CPAMD8: variants seen among roughly 807,000 people sequenced by gnomAD.
CPAMD8 encodes C3 and PZP-like alpha-2-macroglobulin domain-containing protein 8.
In CPAMD8, 146 loss-of-function variants were observed where a neutral mutation model predicts 224.7. The observed-to-expected ratio is 0.65, with a 90% CI of 0.57 to 0.75. The LOEUF is 0.75. Ranked by LOEUF, CPAMD8 falls within the 30% of genes least tolerant of loss-of-function variation. The pLI is 0.00. For synonymous variants in CPAMD8, 966 were observed against 1,044.6 expected (o/e 0.92, Z 1.45); for missense variants, 2,301 against 2,537.5 (o/e 0.91, Z 2.00).
At position 17,026,761 on chromosome 19, in the gene CPAMD8, C is replaced by T. The variant is rs890144173; in HGVS notation, c.-119G>A. 2 of 1,182,146 alleles carry T rather than the reference C, an allele frequency of 1.7e-6. No individual in the cohort carries two copies. The highest frequency in any genetic ancestry group is 3.4e-4 in the Middle Eastern group (1 of 2,954). The allele number at this position is 1,182,146 out of a possible 1,614,324, so 73.2% of individuals were successfully genotyped here. On this transcript the variant is annotated 5_prime_UTR_variant, in exon 1 of 42. Coordinates refer to ENST00000443236, the MANE Select transcript of CPAMD8 (RefSeq NM_015692.5). ...GCCGGGGGCCCTTTGTTCGCAGCCC[C>T]CGCGCAGTGCGCCCGGCGCCATGCG...
chr19:16,901,433 GCA>G (rs2052254281), intron 35 of CPAMD8, 136 bp from the exon 36 acceptor site: 2 of 682,802 alleles, frequency 2.9e-6, no homozygotes, highest in South Asian at 3.3e-5. Context: ...CAGGCCAACA[GCA>G]CACACATCCT....
chr19:16,901,275 T>C lies in CPAMD8; in HGVS notation c.4708A>G (p.Asn1570Asp), dbSNP rs368216664. ...AGGGGCACCTCCAGGACAGCCATAT[T>C]GGAAGACCCTGCATGCAGCCACCTT... ...CTRWLHAGSS[N>D]MAVLEVPLLS... The change falls in exon 36 of 42, where the codon AAT becomes GAT. Residue 1570 changes from asparagine (N) to aspartate (D), a missense_variant. This residue lies in a region of CPAMD8 where 1,709 missense variants were observed against 1,753.2 expected (regional missense o/e 0.97). Coordinates refer to ENST00000443236, the MANE Select transcript of CPAMD8 (RefSeq NM_015692.5). The C allele has an allele frequency of 2.0e-5, 33 of 1,612,546 alleles. No individual in the cohort carries two copies. In the African/African-American group the frequency reaches 3.6e-4, roughly 18 times the overall value.
At position 16,975,173 on chromosome 19, in the gene CPAMD8, G is replaced by A. The variant is rs377525832; in HGVS notation, c.1994C>T (p.Thr665Met). ...AGAGGAGCGCCGGCGTCGTTGTGCC[G>A]TCAGCCCAGCCCACCAAAAAGGACC... ...EDGPFWWAGL[T>M]AQRRRRSSVF... Residue 665 changes from threonine (T) to methionine (M), a missense_variant, in exon 17 of 42, where the codon ACG (threonine) becomes ATG (methionine). By Grantham distance (81) the Thr-to-Met change is moderately conservative. This residue lies in a region of CPAMD8 where 1,709 missense variants were observed against 1,753.2 expected (regional missense o/e 0.97). Transcript: ENST00000443236. The A allele has an allele frequency of 2.7e-5, 43 of 1,612,028 alleles. No homozygotes were observed. Among genetic ancestry groups the A allele is most frequent in the African/African-American group, 8.0e-5 (6 of 75,012 alleles).
intron 19 of CPAMD8, among the ~76,000 whole-genome samples, chr19:16,954,586 T>C (rs1159906826): frequency 6.6e-6 from 1 of 152,152 alleles, no homozygotes; most frequent in Admixed American, 6.5e-5. Flanking sequence ...TTCACAGCAT[T>C]ATTCACAATA....
chr19:17,016,890 T>TTTTTC (rs2056827050), intron 3 of CPAMD8, among the ~76,000 whole-genome samples: 1 of 146,906 alleles, frequency 6.8e-6, no homozygotes, highest in Non-Finnish European at 1.5e-5. Context: ...TCTAGGGTCT[T>TTTTTC]TTTTTTTTTT....
chr19:17,009,959 C>G (rs1018253888), intron 5 of CPAMD8, among the ~76,000 whole-genome samples: 1 of 152,090 alleles, frequency 6.6e-6, no homozygotes, highest in Non-Finnish European at 1.5e-5. Flanking sequence ...CACAAGGAAC[C>G]AGGAGACCAT....
intron 5 of CPAMD8, 137 bp from the exon 6 acceptor site, chr19:17,009,457 C>A: frequency 1.4e-6 from 2 of 1,440,292 alleles, no homozygotes; most frequent in East Asian, 2.4e-5. Context: ...AGATTACATC[C>A]GTTGAATCCT....
chr19:16,954,377 T>C (rs62125973), intron 19 of CPAMD8, among the ~76,000 whole-genome samples: 28,633 of 151,324 alleles, frequency 0.19, 2,950 homozygotes, highest in Admixed American at 0.25. Context: ...ACAGCAAGTG[T>C]TTCTGAGGAT....
intron 35 of CPAMD8, 149 bp downstream of exon 35, chr19:16,902,500 G>T: frequency 1.7e-6 from 1 of 595,830 alleles, no homozygotes; most frequent in Non-Finnish European, 3.0e-6. Context: ...CTGGGCGACA[G>T]GGTGAGACTC....
At chr19:16,929,359 A>G in intron 23 of CPAMD8, 119 bp from the exon 24 acceptor site, 1 of 754,040 alleles carries the variant, frequency 1.3e-6, no homozygotes, top group East Asian at 2.5e-5. Context: ...GTGACTCGGC[A>G]CACATGGTGG....
intron 16 of CPAMD8, among the ~76,000 whole-genome samples, chr19:16,975,665 G>A (rs1005314376): frequency 8.6e-5 from 13 of 151,922 alleles, no homozygotes; most frequent in Non-Finnish European, 1.2e-4. Flanking sequence ...CTATGATCAC[G>A]CCACTGCACT....
At chr19:16,985,106 T>A (rs1017023449) in intron 13 of CPAMD8, among the ~76,000 whole-genome samples, 1 of 152,206 alleles carries the variant, frequency 6.6e-6, no homozygotes, top group East Asian at 1.9e-4. Flanking sequence ...TGCCTTTTTT[T>A]AAGTATACAT....
At chr19:16,925,099 C>A (rs2053312384) in intron 26 of CPAMD8, 97 bp downstream of exon 26, 2 of 1,319,032 alleles carry the variant, frequency 1.5e-6, no homozygotes, top group East Asian at 4.6e-5. Context: ...CTTTGCTGCA[C>A]CTGGTGTGTG....
chr19:16,954,989 A>T (rs2054420610), intron 19 of CPAMD8, among the ~76,000 whole-genome samples: 1 of 152,182 alleles, frequency 6.6e-6, no homozygotes. Flanking sequence ...TTAGCAGGGC[A>T]TGGTGGTGGG....
rs2144743308 is a variant in CPAMD8, at chr19:16,903,806, C to A, written c.4303G>T (p.Ala1435Ser). The A allele has an allele frequency of 6.2e-7, 1 of 1,614,128 alleles. No homozygotes were observed. The highest frequency in any genetic ancestry group is 8.5e-7 in the Non-Finnish European group (1 of 1,179,988). The change falls in exon 33 of 42, where the codon GCT becomes TCT. Residue 1435 changes from alanine (A) to serine (S), a missense_variant. Ala to Ser is a moderately conservative substitution (Grantham distance 99). Around this residue, in one of 4 missense-constraint regions of CPAMD8, gnomAD observed 1,709 missense variants for 1,753.2 expected, o/e 0.97. Coordinates refer to ENST00000443236, the MANE Select transcript of CPAMD8 (RefSeq NM_015692.5). The part of the protein sequence containing the change: ...ALAEYAILSY[A>S]GGINLTVSLA... ...GAGACAGTGAGGTTGATGCCTCCAG[C>A]ATAGGACAAGATGGCATATTCAGCC...
intron 22 of CPAMD8, among the ~76,000 whole-genome samples, chr19:16,939,902 T>G (rs4337413): frequency 0.57 from 86,454 of 151,584 alleles, 25,018 homozygotes; most frequent in African/African-American, 0.65. Flanking sequence ...TTGTTTTGGG[T>G]TTTTTTTGTT....
chr19:16,957,806 T>C, intron 19 of CPAMD8, 47 bp downstream of exon 19: 1 of 1,590,812 alleles, frequency 6.3e-7, no homozygotes, highest in Non-Finnish European at 8.6e-7. Context: ...CATGAGTGTC[T>C]TTCACTCAAC....
At chr19:16,907,160 G>GCGGGGCC in intron 29 of CPAMD8, 43 bp from the exon 30 acceptor site, 1 of 1,479,174 alleles carries the variant, frequency 6.8e-7, no homozygotes, top group Non-Finnish European at 9.0e-7. Flanking sequence ...AGGCTGCTCT[G>GCGGGGCC]CCCCCATCCC....
At chr19:16,939,276 C>T (rs561139784) in intron 22 of CPAMD8, among the ~76,000 whole-genome samples, 1 of 151,900 alleles carries the variant, frequency 6.6e-6, no homozygotes, top group East Asian at 1.9e-4. Context: ...TGAGTGATCT[C>T]AGCTCATTGA....
Sources: gnomAD v4.1 joint callset for allele counts (sites outside exome capture counted in the v4.1 genomes callset) on GRCh38, gnomAD v4.1.1 for gene constraint, gnomAD v4.1.1 regional missense constraint, MANE v1.5 for transcripts, NCBI Gene and HGNC (gene_info 2026-07-23, HGNC 2026-07-21) for gene names.